Variants in TTC7B observed in about 807,000 individuals in gnomAD.
TTC7B encodes the protein tetratricopeptide repeat protein 7B.
In TTC7B, 28 loss-of-function variants were observed where a neutral mutation model predicts 106.8. The ratio of observed to expected loss-of-function variants is 0.26; its 90% CI spans 0.19 to 0.36. TTC7B has a LOEUF of 0.36. Among genes scored for constraint, TTC7B ranks in the 10% least tolerant of loss-of-function variants. TTC7B has a pLI of 1.00. For missense variants in TTC7B, 862 were observed against 1,076.4 expected (o/e 0.80, Z 2.79); for synonymous variants, 405 against 430.6 (o/e 0.94, Z 0.74).
intron 7 of TTC7B, 72 bp from the exon 8 acceptor site, chr14:90,680,607 C>T: frequency 5.4e-6 from 6 of 1,106,582 alleles, no homozygotes; most frequent in Non-Finnish European, 8.1e-6. Context: ...GAACTGAACA[C>T]TAAAAGCTTC....
chr14:90,639,001 G>C (rs1282281384), intron 15 of TTC7B, among the ~76,000 whole-genome samples: 1 of 152,204 alleles, frequency 6.6e-6, no homozygotes. Flanking sequence ...AATATCCTAT[G>C]GGGAAAATCA....
At chr14:90,573,056 C>T (rs911666417) in intron 19 of TTC7B, among the ~76,000 whole-genome samples, 21 of 152,148 alleles carry the variant, frequency 1.4e-4, no homozygotes, top group Non-Finnish European at 2.1e-4. Context: ...GGGGGCAGTG[C>T]GTGAAACACA....
At position 90,652,867 on chromosome 14, in the gene TTC7B, C is replaced by T; in HGVS notation, c.1491G>A (p.Gln497=). 1 of 1,614,230 alleles carries T rather than the reference C, an allele frequency of 6.2e-7. No individual in the cohort carries two copies. The highest frequency in any genetic ancestry group is 8.5e-7 in the Non-Finnish European group (1 of 1,180,044). The change falls in exon 13 of 20, where the codon CAG becomes CAA. Residue 497 remains glutamine, a synonymous_variant. Coordinates refer to ENST00000328459, the MANE Select transcript of TTC7B (RefSeq NM_001010854.2). The stretch of plus-strand genomic sequence containing the variant: ...TCTGAAATGCAAGAAGCGCCTTTCT[C>T]TGTAGGACCTCCTGCATCCCTCGCA... ...ASLRGMQEVL[Q]RKALLAFQRA...
At position 90,739,646 on chromosome 14, in the gene TTC7B, A is replaced by G. The variant is rs371267630; in HGVS notation, c.576+5146T>C. The stretch of plus-strand genomic sequence containing the variant: ...TTCTTCTAGAAACTTTAGCACTAAA[A>G]CAGCCAATAAAATGTCATGGGTACC... On this transcript the variant is annotated intron_variant, in intron 4 of 19. Coordinates refer to ENST00000328459, the MANE Select transcript of TTC7B (RefSeq NM_001010854.2). 1.2e-4 allele frequency among the ~76,000 whole-genome samples: 19 copies of G among 152,358 alleles called. 1 individual carries two copies. In the East Asian group the frequency reaches 3.1e-3, roughly 25 times the overall value.
At chr14:90,695,477 A>AT in intron 6 of TTC7B, 23 bp downstream of exon 6, 1 of 1,504,864 alleles carries the variant, frequency 6.6e-7, no homozygotes, top group Non-Finnish European at 8.9e-7. Flanking sequence ...GCTGGCCTCA[A>AT]TCAAGTCACT....
At position 90,663,448 on chromosome 14, in the gene TTC7B, T is replaced by TG. The variant is rs752516522; in HGVS notation, c.1153-5062dup. Among the ~76,000 whole-genome samples the TG allele has an allele frequency of 4.3e-4, 59 of 137,068 alleles. No individual in the cohort carries two copies. The highest frequency in any genetic ancestry group is 7.6e-4 in the Non-Finnish European group (48 of 62,910). The allele number at this position is 137,068 out of a possible 152,430, so 89.9% of individuals were successfully genotyped here. On this transcript the variant is annotated intron_variant, in intron 9 of 19. Transcript: ENST00000328459. The surrounding 1 kb of genome is among the most constrained non-coding windows in gnomAD (Gnocchi z 4.5). ...GAACTGTTTCAGAGACTCAGCGATA[T>TG]GGTTTTTTTTTTGCTGCTAATGGGG...
chr14:90,605,567 G>T, intron 17 of TTC7B: 2 of 1,257,844 alleles, frequency 1.6e-6, no homozygotes, highest in South Asian at 2.6e-5. Context: ...AATGAAGTAG[G>T]TCTCACAAGA....
chr14:90,696,547 G>C (rs551588694), intron 5 of TTC7B, among the ~76,000 whole-genome samples: 1 of 152,168 alleles, frequency 6.6e-6, no homozygotes, highest in Admixed American at 6.5e-5. Flanking sequence ...TCTCTTCTTG[G>C]ACGACATTTT....
chr14:90,558,249 C>A (rs1890408542), intron 19 of TTC7B, among the ~76,000 whole-genome samples: 1 of 152,246 alleles, frequency 6.6e-6, no homozygotes, highest in Non-Finnish European at 1.5e-5. Context: ...GCCGTGAAGT[C>A]CACCTGGGGA....
At position 90,530,719 on chromosome 14, in the gene TTC7B, A is replaced by C. The variant is rs1039936932; in HGVS notation, c.*10649T>G. Reference sequence around the variant, plus strand: ...ACACCCCTGAGAAACTGGAAAGGGCAAAGTTTGATGTCTTTCCTAGTACTT... The same window carrying C: ...ACACCCCTGAGAAACTGGAAAGGGCCAAGTTTGATGTCTTTCCTAGTACTT... On this transcript the variant is annotated 3_prime_UTR_variant, in exon 20 of 20. Coordinates refer to ENST00000328459, the MANE Select transcript of TTC7B (RefSeq NM_001010854.2). The C allele has an allele frequency of 3.9e-5, 6 of 152,214 alleles. No homozygotes were observed. The highest frequency in any genetic ancestry group is 5.9e-5 in the Non-Finnish European group (4 of 68,048). 9.4% of individuals were successfully genotyped at this position (152,214 alleles called of 1,614,324 possible).
chr14:90,560,896 TCAGGCAG>T (rs1236193574), intron 19 of TTC7B, among the ~76,000 whole-genome samples: 3 of 152,186 alleles, frequency 2.0e-5, no homozygotes, highest in Non-Finnish European at 4.4e-5. Context: ...GTGTAATATA[TCAGGCAG>T]CAGGTAAAGA....
chr14:90,724,611 C>G (rs1268474528), intron 5 of TTC7B, among the ~76,000 whole-genome samples: 1 of 152,172 alleles, frequency 6.6e-6, no homozygotes, highest in African/African-American at 2.4e-5. Context: ...ATGTGATGGC[C>G]CTGCTCCCCC....
At chr14:90,787,452 A>C (rs568089394) in intron 1 of TTC7B, among the ~76,000 whole-genome samples, 1 of 152,310 alleles carries the variant, frequency 6.6e-6, no homozygotes, top group South Asian at 2.1e-4. Flanking sequence ...ACATATCTTA[A>C]GGCCATGATA....
At chr14:90,733,766 G>T (rs1889414754) in intron 4 of TTC7B, among the ~76,000 whole-genome samples, 1 of 152,196 alleles carries the variant, frequency 6.6e-6, no homozygotes, top group Admixed American at 6.5e-5. Flanking sequence ...TTCTGACACT[G>T]CTCACCCACC....
chr14:90,794,025 C>A (rs1381917234), intron 1 of TTC7B, among the ~76,000 whole-genome samples: 2 of 151,884 alleles, frequency 1.3e-5, no homozygotes, highest in Non-Finnish European at 2.9e-5. Flanking sequence ...GCCTCAGCCT[C>A]CTGAGTAGCT....
chr14:90,604,707 A>G (rs1892568781), intron 17 of TTC7B, among the ~76,000 whole-genome samples: 1 of 152,226 alleles, frequency 6.6e-6, no homozygotes, highest in East Asian at 1.9e-4. Context: ...ATAAATGAGC[A>G]AAAGAAAACA....
intron 18 of TTC7B, among the ~76,000 whole-genome samples, chr14:90,583,950 G>A (rs1891612261): frequency 6.6e-6 from 1 of 152,070 alleles, no homozygotes; most frequent in Non-Finnish European, 1.5e-5. Context: ...TGCCTCAAAT[G>A]CCTTTCAGCT....
At chr14:90,677,807 C>T (rs1469306973) in intron 8 of TTC7B, 1 of 455,112 alleles carries the variant, frequency 2.2e-6, no homozygotes. Flanking sequence ...TTTAGCCACC[C>T]ATCAGTACTT....
intron 9 of TTC7B, chr14:90,675,907 T>C (rs370013576): frequency 2.6e-5 from 4 of 152,190 alleles, no homozygotes; most frequent in African/African-American, 7.2e-5. Flanking sequence ...AGGAACCTAA[T>C]AATGCATAAC....
Sources: allele counts gnomAD v4.1 joint callset (sites outside exome capture counted in the v4.1 genomes callset), GRCh38; gene constraint gnomAD v4.1.1; non-coding constraint Gnocchi (gnomAD v3.1); transcripts MANE v1.5; gene names NCBI Gene and HGNC (gene_info 2026-07-23, HGNC 2026-07-21).